The following KIT variants were observed in gnomAD, a reference collection of about 807,000 sequenced individuals.
The protein encoded by KIT is mast/stem cell growth factor receptor Kit.
Under a neutral mutation model 105.7 loss-of-function variants are expected in KIT, and 16 were observed. The ratio of observed to expected loss-of-function variants is 0.15; its 90% CI spans 0.10 to 0.23. The LOEUF (loss-of-function observed/expected upper bound fraction) is 0.23. KIT is among the 10% of genes least tolerant of loss of function. KIT has a pLI of 1.00. For synonymous variants in KIT, 438 were observed against 441.1 expected, an observed-to-expected ratio of 0.99 and a Z score of 0.09; for missense variants, 858 against 1,213.8, an observed-to-expected ratio of 0.71 and a Z score of 4.36.
At chr4:54,719,062 C>T (rs1448260470) in intron 7 of KIT, among the ~76,000 whole-genome samples, 4 of 152,148 alleles carry the variant, frequency 2.6e-5, no homozygotes, top group South Asian at 4.1e-4. Flanking sequence ...CAGCAAACCT[C>T]GAATTTTAAA....
At chr4:54,709,626 G>A (rs2109714885) in intron 7 of KIT, 87 bp downstream of exon 7, 2 of 808,870 alleles carry the variant, frequency 2.5e-6, no homozygotes, top group East Asian at 2.6e-5. Flanking sequence ...CTCAACTTGT[G>A]TACTATGTAA....
chr4:54,686,969 A>G (rs555402410), intron 1 of KIT, among the ~76,000 whole-genome samples: 1 of 152,350 alleles, frequency 6.6e-6, no homozygotes, highest in South Asian at 2.1e-4. Flanking sequence ...AAACTTTTCC[A>G]TGGAACTACT....
rs146411517 is a variant in KIT at position 54,716,246 on chromosome 4, T to C, written c.1231+6707T>C. 7.9e-5 allele frequency among the ~76,000 whole-genome samples: 12 copies of C among 152,330 alleles called. No homozygotes were observed. In the East Asian group the frequency reaches 2.1e-3, roughly 27 times the overall value. The stretch of plus-strand genomic sequence containing the variant: ...AATAAAGTGCCGAATAGAACTCCTT[T>C]CTGATTTATTTACTTGCTTTTGAGA... On this transcript the variant is annotated intron_variant, in intron 7 of 20. Transcript: ENST00000288135.
chr4:54,660,186 G>T (rs1717151007), intron 1 of KIT, among the ~76,000 whole-genome samples: 1 of 152,134 alleles, frequency 6.6e-6, no homozygotes, highest in Non-Finnish European at 1.5e-5. Flanking sequence ...TAGAGTATGG[G>T]TGCATCTGAC....
chr4:54,675,164 C>G (rs1718380892), intron 1 of KIT, among the ~76,000 whole-genome samples: 1 of 152,128 alleles, frequency 6.6e-6, no homozygotes, highest in African/African-American at 2.4e-5. Context: ...ATTTAAATTA[C>G]CTACTAAAAG....
chr4:54,664,003 G>A (rs1287055486), intron 1 of KIT, among the ~76,000 whole-genome samples: 2 of 152,142 alleles, frequency 1.3e-5, no homozygotes, highest in Non-Finnish European at 2.9e-5. Flanking sequence ...CCCCTGATTC[G>A]AAGTAGAATT....
intron 9 of KIT, 35 bp from the exon 10 acceptor site, chr4:54,727,183 A>G (rs1722275762): frequency 4.4e-6 from 7 of 1,590,842 alleles, no homozygotes; most frequent in African/African-American, 2.7e-5. Context: ...CCATCCTGCC[A>G]AAGTTTGTGA....
At chr4:54,738,074 T>A (rs1723028371) in intron 20 of KIT, among the ~76,000 whole-genome samples, 1 of 152,170 alleles carries the variant, frequency 6.6e-6, no homozygotes, top group South Asian at 2.1e-4. Context: ...GGGCCGTGGG[T>A]TTCCCAGCAA....
Position 54,736,758 on chromosome 4 carries a change from G to A in KIT, c.2634G>A (p.Lys878=). 1 of 1,614,150 alleles carries A rather than the reference G, an allele frequency of 6.2e-7. No individual in the cohort carries two copies. Among genetic ancestry groups the A allele is most frequent in the Non-Finnish European group, 8.5e-7 (1 of 1,180,012 alleles). The change falls in exon 19 of 21, where the codon AAG becomes AAA. Residue 878 remains lysine (K), a synonymous_variant. Transcript: ENST00000288135. The part of the protein sequence containing the change: ...SPYPGMPVDS[K]FYKMIKEGFR... ...ATCCTGGAATGCCGGTCGATTCTAA[G>A]TTCTACAAGATGATCAAGGAAGGCT...
At chr4:54,703,282 TAATA>T (rs1215573261) in intron 4 of KIT, among the ~76,000 whole-genome samples, 2 of 152,126 alleles carry the variant, frequency 1.3e-5, no homozygotes, top group East Asian at 1.9e-4. Flanking sequence ...TTCTTGCAAA[TAATA>T]AATTTTAATA....
At chr4:54,720,947 G>A (rs1721830767) in intron 7 of KIT, among the ~76,000 whole-genome samples, 2 of 152,120 alleles carry the variant, frequency 1.3e-5, no homozygotes, top group South Asian at 2.1e-4. Context: ...AAATAGTGCC[G>A]TATTTACGAA....
At chr4:54,699,436 A>G (rs1196579898) in intron 3 of KIT, among the ~76,000 whole-genome samples, 194 bp from the exon 4 acceptor site, 2 of 152,086 alleles carry the variant, frequency 1.3e-5, no homozygotes, top group Non-Finnish European at 2.9e-5. Flanking sequence ...TTTTCACTCA[A>G]TTTACTTGAA....
intron 4 of KIT, among the ~76,000 whole-genome samples, chr4:54,700,497 GT>G (rs752301533): frequency 1.3e-5 from 2 of 152,140 alleles, no homozygotes; most frequent in Non-Finnish European, 2.9e-5. Context: ...AAAGAGCAGA[GT>G]TTTTACACTG....
chr4:54,686,245 A>G (rs1481869613), intron 1 of KIT, among the ~76,000 whole-genome samples: 2 of 152,222 alleles, frequency 1.3e-5, no homozygotes, highest in Non-Finnish European at 2.9e-5. Context: ...ATATGCTGTA[A>G]TGAAGTCTGT....
intron 9 of KIT, among the ~76,000 whole-genome samples, chr4:54,726,508 A>G (rs191175764): frequency 8.5e-4 from 129 of 152,372 alleles, no homozygotes; most frequent in African/African-American, 3.0e-3. Context: ...TCTTTAAAAT[A>G]TTTAAAATTT....
At chr4:54,692,608 C>G (rs1384567682) in intron 1 of KIT, among the ~76,000 whole-genome samples, 1 of 152,154 alleles carries the variant, frequency 6.6e-6, no homozygotes, top group African/African-American at 2.4e-5. Flanking sequence ...CATGCACATT[C>G]ATTGGGAACT....
At chr4:54,674,234 G>A (rs886670318) in intron 1 of KIT, among the ~76,000 whole-genome samples, 1 of 152,082 alleles carries the variant, frequency 6.6e-6, no homozygotes, top group African/African-American at 2.4e-5. Context: ...CTTCTCCCCA[G>A]TGTGGGGCTT....
chr4:54,676,326 C>T (rs745645579), intron 1 of KIT, among the ~76,000 whole-genome samples: 5 of 152,088 alleles, frequency 3.3e-5, no homozygotes, highest in African/African-American at 2.4e-5. Flanking sequence ...CTGCTGCAGG[C>T]GAAAGTTTGA....
chr4:54,667,715 C>A (rs1177657376), intron 1 of KIT, among the ~76,000 whole-genome samples: 1 of 152,126 alleles, frequency 6.6e-6, no homozygotes, highest in Non-Finnish European at 1.5e-5. Context: ...TAATTGAAGT[C>A]TTTCCTGCAG....
Sources: gnomAD v4.1 joint callset for allele counts (sites outside exome capture counted in the v4.1 genomes callset) on GRCh38, gnomAD v4.1.1 for gene constraint, MANE v1.5 for transcripts, NCBI Gene and HGNC (gene_info 2026-07-23, HGNC 2026-07-21) for gene names.